Variants in C2orf76 observed in about 807,000 individuals in gnomAD.
The protein encoded by C2orf76 is chromosome 2 open reading frame 76.
C2orf76 carries 23 observed loss-of-function variants against 16.9 expected under a neutral mutation model. That is an observed-to-expected ratio of 1.36 (90% CI 0.98 to 1.93). The LOEUF (loss-of-function observed/expected upper bound fraction) is 1.93. Ranked by LOEUF, C2orf76 falls within the 30% of genes most tolerant of loss-of-function variation. The pLI, the probability that C2orf76 is intolerant of heterozygous loss-of-function variation, is 0.00. For missense variants in C2orf76, 152 were observed against 152.6 expected (o/e 1.00, Z 0.02); for synonymous variants, 48 against 52.3 (o/e 0.92, Z 0.35).
At chr2:119,330,599 G>C (rs1679646094) in intron 2 of C2orf76, among the ~76,000 whole-genome samples, 1 of 151,886 alleles carries the variant, frequency 6.6e-6, no homozygotes, top group Admixed American at 6.6e-5. Context: ...TGAGTCTCTA[G>C]TTTTCATCAT....
chr2:119,323,610 C>A, intron 2 of C2orf76, among the ~76,000 whole-genome samples: 1 of 152,014 alleles, frequency 6.6e-6, no homozygotes, highest in Non-Finnish European at 1.5e-5. Flanking sequence ...TAGGCTGGTC[C>A]CAGGCAGAGA....
chr2:119,343,448 A>G (rs1680097950), intron 1 of C2orf76, among the ~76,000 whole-genome samples: 1 of 147,830 alleles, frequency 6.8e-6, no homozygotes, highest in Non-Finnish European at 1.5e-5. Context: ...GCCCTCCCAT[A>G]CACACGCATA....
intron 1 of C2orf76, among the ~76,000 whole-genome samples, chr2:119,345,905 C>CA (rs1374803778): frequency 2.6e-5 from 4 of 151,700 alleles, no homozygotes; most frequent in African/African-American, 7.2e-5. Context: ...ACTAAAAATA[C>CA]AAAAAATTAG....
At chr2:119,322,745 CAAGGCTA>C (rs1475501102) in intron 2 of C2orf76, among the ~76,000 whole-genome samples, 1 of 151,352 alleles carries the variant, frequency 6.6e-6, no homozygotes, top group Non-Finnish European at 1.5e-5. Flanking sequence ...CAAGTTACAT[CAAGGCTA>C]AAGAGATATG....
chr2:119,328,459 A>G (rs1465420954), intron 2 of C2orf76, among the ~76,000 whole-genome samples: 3 of 152,182 alleles, frequency 2.0e-5, no homozygotes, highest in Non-Finnish European at 4.4e-5. Flanking sequence ...CTGTAGTGAT[A>G]TGACAACTGT....
chr2:119,299,360 C>T (rs188828831), downstream of C2orf76, among the ~76,000 whole-genome samples: 2 of 152,312 alleles, frequency 1.3e-5, no homozygotes, highest in East Asian at 3.9e-4. Context: ...TCATCAAATG[C>T]CTTTTGGCAT....
At chr2:119,305,942 CA>C (rs61325292) in intron 5 of C2orf76, among the ~76,000 whole-genome samples, 47,087 of 119,534 alleles carry the variant, frequency 0.39, 7,788 homozygotes, top group Non-Finnish European at 0.45. Flanking sequence ...AAAACAACAA[CA>C]AAAAAAAAAA....
chr2:119,311,760 G>A (rs2104547738), intron 4 of C2orf76, 57 bp from the exon 5 acceptor site: 5 of 1,463,196 alleles, frequency 3.4e-6, no homozygotes, highest in South Asian at 1.2e-5. Flanking sequence ...TTTGTTTGGT[G>A]AGACTTCTCA....
At chr2:119,354,482 C>G (rs989571220) in intron 1 of C2orf76, among the ~76,000 whole-genome samples, 2 of 152,204 alleles carry the variant, frequency 1.3e-5, no homozygotes, top group East Asian at 3.9e-4. Flanking sequence ...AGGATCGCAC[C>G]ACTGCACTCC....
downstream of C2orf76, among the ~76,000 whole-genome samples, chr2:119,300,009 C>T (rs1015607830): frequency 1.4e-4 from 22 of 152,312 alleles, no homozygotes; most frequent in African/African-American, 5.1e-4. Context: ...ATTCTAAGGT[C>T]ATTCTACCTC....
chr2:119,299,977 AG>A (rs1180207995), downstream of C2orf76, among the ~76,000 whole-genome samples: 2 of 152,150 alleles, frequency 1.3e-5, no homozygotes, highest in Non-Finnish European at 2.9e-5. Flanking sequence ...ATCCCCGTCC[AG>A]GCATTCACCA....
At chr2:119,285,850 G>A in the C2orf76 span, among the ~76,000 whole-genome samples, 2 of 152,268 alleles carry the variant, frequency 1.3e-5, no homozygotes, top group South Asian at 2.1e-4. Flanking sequence ...AACTCCCAGT[G>A]TGTGCAGGCC....
intron 1 of C2orf76, among the ~76,000 whole-genome samples, chr2:119,359,517 A>T (rs944404894): frequency 1.3e-5 from 2 of 152,366 alleles, no homozygotes; most frequent in African/African-American, 4.8e-5. Context: ...TCTAAAGGCC[A>T]TTAAAAATAT....
intron 1 of C2orf76, among the ~76,000 whole-genome samples, chr2:119,355,482 C>A (rs566251123): frequency 6.6e-6 from 1 of 152,306 alleles, no homozygotes; most frequent in South Asian, 2.1e-4. Flanking sequence ...ATTTGATTTA[C>A]CTAAACCTGG....
the C2orf76 span, among the ~76,000 whole-genome samples, chr2:119,294,902 T>A: frequency 6.6e-6 from 1 of 151,846 alleles, no homozygotes; most frequent in African/African-American, 2.4e-5. Context: ...AGGCAGAGAT[T>A]GATGAGAAGG....
intron 5 of C2orf76, among the ~76,000 whole-genome samples, chr2:119,304,645 A>G (rs1203888664): frequency 1.3e-5 from 2 of 152,234 alleles, no homozygotes; most frequent in South Asian, 2.1e-4. Context: ...GCTGATTTAA[A>G]AAATTTTTCA....
intron 4 of C2orf76, among the ~76,000 whole-genome samples, chr2:119,313,575 AAC>A (rs1347786657): frequency 6.8e-6 from 1 of 147,026 alleles, no homozygotes; most frequent in Non-Finnish European, 1.5e-5. Context: ...CAGCCTGAGC[AAC>A]AGAGTGAGAT....
the C2orf76 span, among the ~76,000 whole-genome samples, chr2:119,283,307 C>T: frequency 6.6e-6 from 1 of 152,188 alleles, no homozygotes; most frequent in Non-Finnish European, 1.5e-5. Context: ...TCCAGTCCGC[C>T]TCTCAGTGCT....
At chr2:119,291,764 A>G in the C2orf76 span, among the ~76,000 whole-genome samples, 1 of 152,078 alleles carries the variant, frequency 6.6e-6, no homozygotes, top group African/African-American at 2.4e-5. Context: ...CAGTGTCTAA[A>G]TGTTCTCTCT....
Sources: allele counts gnomAD v4.1 joint callset (sites outside exome capture counted in the v4.1 genomes callset), GRCh38; gene constraint gnomAD v4.1.1; transcripts MANE v1.5; gene names NCBI Gene and HGNC (gene_info 2026-07-23, HGNC 2026-07-21).